Variants in FMO1 observed in about 807,000 individuals in gnomAD.
FMO1 encodes the protein flavin containing dimethylaniline monoxygenase 1.
A neutral mutation model predicts 45.4 loss-of-function variants in FMO1; 36 were observed. That is an observed-to-expected ratio of 0.79 (90% CI 0.61 to 1.05). The LOEUF is 1.05. Among genes scored for constraint, FMO1 ranks in the 50% least tolerant of loss-of-function variants. FMO1 has a pLI of 0.00. For synonymous variants in FMO1, 228 were observed against 227.2 expected, an observed-to-expected ratio of 1.00 and a Z score of -0.03; for missense variants, 615 against 640.3, an observed-to-expected ratio of 0.96 and a Z score of 0.43.
intron 2 of FMO1, among the ~76,000 whole-genome samples, chr1:171,261,460 A>T (rs1362729685): frequency 6.6e-6 from 1 of 152,238 alleles, no homozygotes; most frequent in Non-Finnish European, 1.5e-5. Flanking sequence ...GGGAATTCTT[A>T]CTGCCTTAGG....
At chr1:171,252,492 CT>C (rs1180023312) in intron 1 of FMO1, among the ~76,000 whole-genome samples, 1 of 152,204 alleles carries the variant, frequency 6.6e-6, no homozygotes, top group Non-Finnish European at 1.5e-5. Flanking sequence ...ATTTAGGGGC[CT>C]CAGCCCCCCG....
At position 171,285,422 on chromosome 1, in the gene FMO1, G is replaced by T. The variant is rs747466911; in HGVS notation, c.1477G>T (p.Asp493Tyr). 7 of 1,610,612 alleles carry T rather than the reference G, an allele frequency of 4.3e-6. No individual in the cohort carries two copies. In the South Asian group the frequency reaches 7.7e-5, roughly 18 times the overall value. ...CAGAAATGCCATCATGACCCAGTGG[G>T]ACCGAACATTCAAGGTCATCAAAGC... The part of the protein sequence containing the change: ...GARNAIMTQW[D>Y]RTFKVIKARV... The change falls in exon 9 of 9, where the codon GAC becomes TAC. Residue 493 changes from aspartate (D) to tyrosine (Y), a missense_variant. By Grantham distance (160) the Asp-to-Tyr change is radical (BLOSUM62 -3). Coordinates refer to ENST00000617670, the MANE Select transcript of FMO1 (RefSeq NM_001282693.2).
At chr1:171,277,025 CAAG>C (rs1253591226) in intron 4 of FMO1, among the ~76,000 whole-genome samples, 3 of 152,140 alleles carry the variant, frequency 2.0e-5, no homozygotes, top group Non-Finnish European at 4.4e-5. Context: ...ACAAATCAAG[CAAG>C]AAGAGCTCTA....
chr1:171,282,890 AGC>A, intron 7 of FMO1: 1 of 394,744 alleles, frequency 2.5e-6, no homozygotes, highest in Non-Finnish European at 4.5e-6. Flanking sequence ...GACAACATTC[AGC>A]CAAACTAGTT....
chr1:171,275,525 A>C lies in FMO1; in HGVS notation c.484+17A>C. 1 of 1,595,314 alleles carries C rather than the reference A, an allele frequency of 6.3e-7. No individual in the cohort carries two copies. The highest frequency in any genetic ancestry group is 8.6e-7 in the Non-Finnish European group (1 of 1,167,634). On this transcript the variant is annotated intron_variant, in intron 4 of 8. Transcript: ENST00000617670. The stretch of plus-strand genomic sequence containing the variant: ...CCTTTCCAGGTACAGCATTTTCTGT[A>C]ACTAACTTTAAGTTTTCTCGTGGGA...
At chr1:171,272,301 G>A (rs1195123446) in intron 3 of FMO1, among the ~76,000 whole-genome samples, 1 of 152,264 alleles carries the variant, frequency 6.6e-6, no homozygotes, top group African/African-American at 2.4e-5. Flanking sequence ...ATGCCTGGAT[G>A]TGCAGGCAGA....
chr1:171,262,861 C>T (rs1487606586), intron 2 of FMO1, among the ~76,000 whole-genome samples: 2 of 152,110 alleles, frequency 1.3e-5, no homozygotes, highest in Admixed American at 1.3e-4. Context: ...AGAAACTGGA[C>T]CCTGTCCTCC....
chr1:171,272,268 T>A (rs1444270267), intron 3 of FMO1, among the ~76,000 whole-genome samples: 1 of 152,234 alleles, frequency 6.6e-6, no homozygotes, highest in Non-Finnish European at 1.5e-5. Flanking sequence ...AACCTTCACC[T>A]AGATTTCACA....
chr1:171,249,155 A>C, intron 1 of FMO1, among the ~76,000 whole-genome samples: 1 of 152,074 alleles, frequency 6.6e-6, no homozygotes, highest in East Asian at 2.0e-4. Context: ...TTCGTGCTTC[A>C]TTCTATGTAT....
At chr1:171,271,211 T>C in intron 3 of FMO1, 4 of 893,044 alleles carry the variant, frequency 4.5e-6, no homozygotes, top group Non-Finnish European at 7.5e-6. Flanking sequence ...CCCAGTTTCT[T>C]CACGACATCA....
intron 2 of FMO1, among the ~76,000 whole-genome samples, chr1:171,260,567 C>T (rs571624400): frequency 2.6e-5 from 4 of 152,064 alleles, no homozygotes; most frequent in East Asian, 1.9e-4. Flanking sequence ...TCAATTCTAT[C>T]GAGAAAATAT....
chr1:171,260,604 G>C (rs1571333347), intron 2 of FMO1, among the ~76,000 whole-genome samples: 1 of 152,228 alleles, frequency 6.6e-6, no homozygotes, highest in South Asian at 2.1e-4. Context: ...AAGAGGGTGT[G>C]GGGGTGGCAA....
At chr1:171,258,291 T>C (rs1488755506) in intron 2 of FMO1, 72 bp downstream of exon 2, 2 of 1,560,742 alleles carry the variant, frequency 1.3e-6, no homozygotes, top group Non-Finnish European at 1.8e-6. Flanking sequence ...ATATCTGTGC[T>C]TCTTTCACAA....
intron 5 of FMO1, among the ~76,000 whole-genome samples, chr1:171,280,430 C>A (rs750836739): frequency 7.2e-5 from 11 of 152,186 alleles, no homozygotes; most frequent in Admixed American, 2.6e-4. Context: ...TCTGATACTG[C>A]CATTCCCTGT....
intron 3 of FMO1, among the ~76,000 whole-genome samples, chr1:171,274,266 CT>C (rs763261289): frequency 2.0e-3 from 280 of 141,702 alleles, no homozygotes; most frequent in Middle Eastern, 3.6e-3. Context: ...TAATGACAAG[CT>C]TTTTTTTTTT....
rs1374397384 is a variant in FMO1, at chr1:171,268,369, G to A, written c.321+638G>A. Among the ~76,000 whole-genome samples, 3 of 152,218 alleles carry A rather than the reference G, an allele frequency of 2.0e-5. No homozygotes were observed. The South Asian group carries it at 6.2e-4, about 32-fold the overall frequency. On this transcript the variant is annotated intron_variant, in intron 3 of 8. Coordinates refer to ENST00000617670, the MANE Select transcript of FMO1 (RefSeq NM_001282693.2). The stretch of plus-strand genomic sequence containing the variant: ...CAAAGTGCTGGGATTACAGGCATGA[G>A]CCACTGCTCCCAGCTCCCACTCTCT...
intron 3 of FMO1, among the ~76,000 whole-genome samples, chr1:171,269,137 A>G (rs947884084): frequency 1.3e-5 from 2 of 152,236 alleles, no homozygotes; most frequent in African/African-American, 4.8e-5. Flanking sequence ...GGTCTCTGGT[A>G]TGTCTTTATC....
chr1:171,261,961 T>C (rs1012120201), intron 2 of FMO1, among the ~76,000 whole-genome samples: 4 of 152,206 alleles, frequency 2.6e-5, no homozygotes, highest in African/African-American at 9.7e-5. Flanking sequence ...AAGTAGAGGC[T>C]GGACATGTGT....
At chr1:171,278,953 T>C (rs1661239036) in intron 5 of FMO1, 82 bp downstream of exon 5, 1 of 1,092,984 alleles carries the variant, frequency 9.1e-7, no homozygotes, top group Non-Finnish European at 1.2e-6. Flanking sequence ...CCATGATAAA[T>C]GTTAAAGGAA....
Sources: allele counts gnomAD v4.1 joint callset (sites outside exome capture counted in the v4.1 genomes callset), GRCh38; gene constraint gnomAD v4.1.1; transcripts MANE v1.5; gene names NCBI Gene and HGNC (gene_info 2026-07-23, HGNC 2026-07-21).